Variants in TIAM2 observed in about 807,000 individuals in gnomAD.
TIAM2 encodes TIAM Rac1 associated GEF 2.
A neutral mutation model predicts 152.9 loss-of-function variants in TIAM2; 80 were observed. The ratio of observed to expected loss-of-function variants is 0.52; its 90% CI spans 0.44 to 0.63. The LOEUF (loss-of-function observed/expected upper bound fraction) is 0.63. TIAM2 is among the 30% of genes least tolerant of loss of function. The pLI is 0.00. For missense variants in TIAM2, 1,965 were observed against 2,120.1 expected, an observed-to-expected ratio of 0.93 and a Z score of 1.44; for synonymous variants, 804 against 838.0, an observed-to-expected ratio of 0.96 and a Z score of 0.70.
chr6:155,202,883 CAAAAAAA>C (rs36086677), intron 14 of TIAM2, among the ~76,000 whole-genome samples: 4 of 109,146 alleles, frequency 3.7e-5, no homozygotes, highest in African/African-American at 1.5e-4. Flanking sequence ...ACTAAAAATA[CAAAAAAA>C]AAAAAAAAAA....
intron 1 of TIAM2, among the ~76,000 whole-genome samples, chr6:155,056,943 CT>C (rs1007870637): frequency 8.8e-5 from 13 of 147,226 alleles, no homozygotes; most frequent in Non-Finnish European, 1.9e-4. Context: ...GAGACTTTTC[CT>C]TGTTTTTGAT....
chr6:155,249,373 G>A (rs1348502724), intron 20 of TIAM2, among the ~76,000 whole-genome samples: 3 of 152,184 alleles, frequency 2.0e-5, no homozygotes, highest in Non-Finnish European at 2.9e-5. Flanking sequence ...AGCCAAACTC[G>A]AGAGCTGGTG....
intron 1 of TIAM2, among the ~76,000 whole-genome samples, chr6:155,066,467 G>A (rs1006214954): frequency 1.3e-5 from 2 of 152,248 alleles, no homozygotes; most frequent in African/African-American, 2.4e-5. Flanking sequence ...CTTCTAGCAT[G>A]TGGAGGTTAT....
intron 15 of TIAM2, among the ~76,000 whole-genome samples, chr6:155,215,242 T>C (rs989536509): frequency 1.3e-5 from 2 of 152,222 alleles, no homozygotes; most frequent in African/African-American, 4.8e-5. Flanking sequence ...ACAATGCCTA[T>C]GGTAACTAAG....
chr6:155,231,510 T>A (rs993469285), intron 15 of TIAM2, among the ~76,000 whole-genome samples: 4 of 152,232 alleles, frequency 2.6e-5, no homozygotes, highest in African/African-American at 7.2e-5. Flanking sequence ...GTTTTTTAAC[T>A]CCCACCACAC....
chr6:155,104,566 G>A (rs1290297758), intron 2 of TIAM2, among the ~76,000 whole-genome samples: 4 of 152,038 alleles, frequency 2.6e-5, no homozygotes, highest in Non-Finnish European at 4.4e-5. Context: ...GACCATCCTG[G>A]CTAACACAGT....
intron 1 of TIAM2, among the ~76,000 whole-genome samples, chr6:155,035,978 A>C (rs1400160621): frequency 6.6e-6 from 1 of 152,198 alleles, no homozygotes; most frequent in African/African-American, 2.4e-5. Flanking sequence ...TGCTTCATTA[A>C]CAATTGTTGA....
At chr6:155,123,804 C>G (rs1386808550) in intron 2 of TIAM2, among the ~76,000 whole-genome samples, 2 of 152,072 alleles carry the variant, frequency 1.3e-5, no homozygotes, top group African/African-American at 4.8e-5. Context: ...CGGCCGGGAG[C>G]CTTTCGCCTC....
In TIAM2 at chr6:155,241,923, G is replaced by C. The variant is rs977582869; in HGVS notation, c.3348+1214G>C. Among the ~76,000 whole-genome samples the C allele has an allele frequency of 2.0e-5, 3 of 152,304 alleles. No individual in the cohort carries two copies. In the South Asian group the frequency reaches 6.2e-4, roughly 32 times the overall value. ...TCTTGAGAATAGTCATGGAGCTCTT[G>C]CCCCAAGAGTTAAGGGCAGAGTTGA... On this transcript the variant is annotated intron_variant, in intron 16 of 26. Coordinates refer to ENST00000682666, the MANE Select transcript of TIAM2 (RefSeq NM_012454.4).
intron 8 of TIAM2, 141 bp from the exon 9 acceptor site, chr6:155,165,122 G>T: frequency 1.1e-6 from 1 of 870,940 alleles, no homozygotes; most frequent in Middle Eastern, 3.4e-4. Flanking sequence ...TATGATGGAT[G>T]CTTTCCTGGT....
chr6:154,998,220 G>C lies in TIAM2; in HGVS notation c.-209+2728G>C, dbSNP rs536547685. 2.0e-5 allele frequency among the ~76,000 whole-genome samples: 3 copies of C among 152,274 alleles called. No homozygotes were observed. In the South Asian group the frequency reaches 6.2e-4, roughly 32 times the overall value. On this transcript the variant is annotated intron_variant, in intron 1 of 26. Transcript: ENST00000682666. Reference sequence around the variant, plus strand: ...CGTGTCTAATCGTGATTTGCTAAGAGAGATAAGGGGGCAAGAAACTTGCAA... The same window carrying C: ...CGTGTCTAATCGTGATTTGCTAAGACAGATAAGGGGGCAAGAAACTTGCAA...
intron 1 of TIAM2, among the ~76,000 whole-genome samples, chr6:155,078,705 C>T (rs1778004305): frequency 6.6e-6 from 1 of 152,260 alleles, no homozygotes; most frequent in Non-Finnish European, 1.5e-5. Context: ...CAGCCTCTGG[C>T]AGGCAATCTT....
intron 1 of TIAM2, among the ~76,000 whole-genome samples, chr6:155,005,878 G>A (rs749254368): frequency 7.9e-5 from 12 of 152,088 alleles, no homozygotes; most frequent in Non-Finnish European, 1.2e-4. Flanking sequence ...TTGAACTCCC[G>A]ACCTCAGGTG....
chr6:155,087,773 ATAAAT>A (rs1348718823), intron 1 of TIAM2, among the ~76,000 whole-genome samples: 1 of 152,170 alleles, frequency 6.6e-6, no homozygotes, highest in African/African-American at 2.4e-5. Flanking sequence ...ATAAAATAAA[ATAAAT>A]AAAAAATTTG....
At chr6:155,029,513 C>CTATATAT (rs1776769698) in intron 1 of TIAM2, among the ~76,000 whole-genome samples, 9 of 22,054 alleles carry the variant, frequency 4.1e-4, no homozygotes, top group Admixed American at 1.2e-3. Context: ...ATAATATATA[C>CTATATAT]TATATATTAT....
chr6:155,079,174 A>G (rs535391551), intron 1 of TIAM2, among the ~76,000 whole-genome samples: 38 of 151,942 alleles, frequency 2.5e-4, no homozygotes, highest in African/African-American at 8.7e-4. Context: ...CGATTCTCCC[A>G]CGTCAGCCTC....
chr6:155,025,194 ATT>A (rs781027891), intron 1 of TIAM2, among the ~76,000 whole-genome samples: 16 of 121,202 alleles, frequency 1.3e-4, no homozygotes, highest in Non-Finnish European at 1.0e-4. Flanking sequence ...TAATTTTTGT[ATT>A]TTTTTTTTTT....
chr6:155,052,442 A>T (rs1307250023), intron 1 of TIAM2, among the ~76,000 whole-genome samples: 1 of 152,102 alleles, frequency 6.6e-6, no homozygotes, highest in African/African-American at 2.4e-5. Flanking sequence ...GATTATGCTT[A>T]ATAAACTCTG....
intron 1 of TIAM2, among the ~76,000 whole-genome samples, chr6:155,042,572 G>A (rs191378301): frequency 1.7e-4 from 26 of 152,284 alleles, no homozygotes; most frequent in Admixed American, 1.7e-3. Context: ...AGTCCAGCCT[G>A]TGTGACAGAG....
Sources: allele counts gnomAD v4.1 joint callset (sites outside exome capture counted in the v4.1 genomes callset), GRCh38; gene constraint gnomAD v4.1.1; transcripts MANE v1.5; gene names NCBI Gene and HGNC (gene_info 2026-07-23, HGNC 2026-07-21).